RUFY1: variants seen among roughly 807,000 people sequenced by gnomAD.
RUFY1 encodes RUN and FYVE domain-containing protein 1.
Under a neutral mutation model 94.6 loss-of-function variants are expected in RUFY1, and 54 were observed. The ratio of observed to expected loss-of-function variants is 0.57; its 90% CI spans 0.46 to 0.72. The LOEUF is 0.72. RUFY1 is among the 30% of genes least tolerant of loss of function. The pLI is 0.00. For missense variants in RUFY1, 883 were observed against 883.9 expected (o/e 1.00, Z 0.01); for synonymous variants, 396 against 347.3 (o/e 1.14, Z -1.56).
intron 1 of RUFY1, among the ~76,000 whole-genome samples, chr5:179,558,352 C>G (rs1460172940): frequency 2.0e-5 from 3 of 152,136 alleles, no homozygotes; most frequent in African/African-American, 7.2e-5. Context: ...GCGGGCGGAT[C>G]ACCTGAGGTT....
intron 2 of RUFY1, among the ~76,000 whole-genome samples, chr5:179,560,455 C>T (rs1365592434): frequency 6.6e-6 from 1 of 151,992 alleles, no homozygotes; most frequent in Non-Finnish European, 1.5e-5. Flanking sequence ...CGCGGTGGCT[C>T]ACGCCTGTAA....
rs546225868 is a variant in RUFY1, at chr5:179,608,751, C to A, written c.1984-625C>A. The A allele has an allele frequency of 4.2e-5, 18 of 433,422 alleles. 1 individual carries two copies. In the South Asian group the frequency reaches 1.7e-3, roughly 40 times the overall value. 26.8% of individuals were successfully genotyped at this position (433,422 alleles called of 1,614,324 possible). ...GACCAGTCTGGCCAAGATGGTGAAACCCCATCATCTCTACTAAAAAAATAC... is the reference window on the plus strand; with the variant it reads ...GACCAGTCTGGCCAAGATGGTGAAAACCCATCATCTCTACTAAAAAAATAC... On this transcript the variant is annotated intron_variant, in intron 17 of 17. Coordinates refer to ENST00000319449, the MANE Select transcript of RUFY1 (RefSeq NM_025158.5).
chr5:179,584,763 AAAACAAAAAAAAAC>A (rs1278577001), intron 7 of RUFY1, among the ~76,000 whole-genome samples: 4 of 110,388 alleles, frequency 3.6e-5, no homozygotes, highest in Non-Finnish European at 3.9e-5. Flanking sequence ...CCCTGTTTCA[AAAACAAAAAAAAAC>A]AAAAAAAAGT....
At position 179,569,414 on chromosome 5, in the gene RUFY1, T is replaced by A; in HGVS notation, c.817T>A (p.Leu273Met). 1 of 1,613,454 alleles carries A rather than the reference T, an allele frequency of 6.2e-7. No individual in the cohort carries two copies. The highest frequency in any genetic ancestry group is 1.1e-5 in the South Asian group (1 of 91,078). The part of the protein sequence containing the change: ...DANLCLKGED[L>M]DSQVGVIDFS... ...CAATCTCTGCTTGAAAGGAGAAGAC[T>A]TGGATTCTCAGGTAAAATGAAATTT... is the stretch of plus-strand genomic sequence containing the variant. Residue 273 changes from leucine to methionine, a missense_variant, in exon 5 of 18, where the codon TTG (leucine) becomes ATG (methionine). Physicochemically the swap from Leu to Met is conservative, Grantham distance 15. Coordinates refer to ENST00000319449, the MANE Select transcript of RUFY1 (RefSeq NM_025158.5).
chr5:179,602,294 A>T, intron 15 of RUFY1: 1 of 314,942 alleles, frequency 3.2e-6, no homozygotes, highest in Non-Finnish European at 6.1e-6. Flanking sequence ...CAATGAGAGG[A>T]TCGCTTGGTC....
At chr5:179,569,130 C>CA (rs71591426) in intron 4 of RUFY1, 172 bp from the exon 5 acceptor site, 2 of 984,170 alleles carry the variant, frequency 2.0e-6, no homozygotes, top group Admixed American at 6.2e-5. Context: ...GAGGAGAGGA[C>CA]GGGAGAAAAA....
At chr5:179,579,081 T>G (rs1393304464) in intron 6 of RUFY1, among the ~76,000 whole-genome samples, 1 of 152,202 alleles carries the variant, frequency 6.6e-6, no homozygotes, top group Non-Finnish European at 1.5e-5. Flanking sequence ...GGGTTTTCAC[T>G]GTAAACCTTG....
chr5:179,598,560 G>A (rs1183304862), intron 13 of RUFY1, 132 bp from the exon 14 acceptor site: 1 of 992,650 alleles, frequency 1.0e-6, no homozygotes, highest in Non-Finnish European at 1.5e-6. Context: ...GGAGAGGGAA[G>A]CGTTGCCGAA....
At chr5:179,592,735 G>A (rs868731937) in intron 10 of RUFY1, among the ~76,000 whole-genome samples, 2 of 152,220 alleles carry the variant, frequency 1.3e-5, no homozygotes, top group Admixed American at 6.5e-5. Context: ...CATGGATGCA[G>A]GGAAACATGT....
intron 14 of RUFY1, among the ~76,000 whole-genome samples, chr5:179,599,807 A>T (rs963990070): frequency 6.6e-6 from 1 of 151,930 alleles, no homozygotes; most frequent in Non-Finnish European, 1.5e-5. Context: ...CCCAAAGCAG[A>T]CCTCCCCTCG....
In RUFY1 at chr5:179,589,544, A is replaced by G; in HGVS notation, c.1027-2A>G. ...AGAACTGTAAAAATTTTCCTTAATC[A>G]GCTTTCAGCTGCAACAGACCGAATT... On this transcript the variant is annotated splice_acceptor_variant, in intron 8 of 17. Transcript: ENST00000319449. LOFTEE classifies it high-confidence loss of function. The G allele has an allele frequency of 6.2e-7, 1 of 1,610,960 alleles. No homozygotes were observed. Among genetic ancestry groups the G allele is most frequent in the Non-Finnish European group, 8.5e-7 (1 of 1,177,424 alleles).
intron 13 of RUFY1, chr5:179,596,883 C>T: frequency 1.7e-6 from 1 of 596,608 alleles, no homozygotes; most frequent in Non-Finnish European, 2.7e-6. Flanking sequence ...CTCACGTGGT[C>T]CAGCTCGCCT....
intron 13 of RUFY1, among the ~76,000 whole-genome samples, chr5:179,597,243 G>GTT (rs1554123619): frequency 5.5e-5 from 8 of 145,708 alleles, no homozygotes; most frequent in African/African-American, 2.0e-4. Context: ...GTTTTGTTTT[G>GTT]TTTTTTTTTT....
In RUFY1 at chr5:179,595,276, G is replaced by A. The variant is rs375412292; in HGVS notation, c.1511+313G>A. ...GGGCGGATCACGAGGTCAGGAGATC[G>A]AGACCATCCCGGCTAAAACGGTGAA... On this transcript the variant is annotated intron_variant, in intron 12 of 17. Transcript: ENST00000319449. Among the ~76,000 whole-genome samples, 911 of 152,236 alleles carry A rather than the reference G, an allele frequency of 6.0e-3. 8 individuals are homozygous for A. The highest frequency in any genetic ancestry group is 0.021 in the African/African-American group (873 of 41,554).
chr5:179,563,318 C>A (rs1302246965), intron 3 of RUFY1, among the ~76,000 whole-genome samples: 2 of 152,324 alleles, frequency 1.3e-5, no homozygotes, highest in East Asian at 3.9e-4. Context: ...CCCTCAGGAC[C>A]TGCTCAATGA....
intron 3 of RUFY1, among the ~76,000 whole-genome samples, chr5:179,565,517 T>C: frequency 6.6e-6 from 1 of 152,132 alleles, no homozygotes; most frequent in South Asian, 2.1e-4. Flanking sequence ...ATATTGCCCA[T>C]TCAAAAAAAA....
intron 7 of RUFY1, among the ~76,000 whole-genome samples, chr5:179,581,267 C>T (rs1193006354): frequency 1.3e-5 from 2 of 152,136 alleles, no homozygotes; most frequent in Non-Finnish European, 2.9e-5. Context: ...CCTTGACTCT[C>T]CATTCCTCGC....
At chr5:179,559,105 C>T (rs1320835998) in intron 1 of RUFY1, among the ~76,000 whole-genome samples, 2 of 152,182 alleles carry the variant, frequency 1.3e-5, no homozygotes, top group Non-Finnish European at 2.9e-5. Flanking sequence ...AATGTAAACG[C>T]GCGCGCGCGC....
Position 179,560,025 on chromosome 5 carries a change from C to T in RUFY1, c.311C>T (p.Ala104Val). Residue 104 changes from alanine (A) to valine (V), a missense_variant and splice_region_variant, in exon 2 of 18, where the codon GCT becomes GTT. By Grantham distance (64) the Ala-to-Val change is moderately conservative (BLOSUM62 0). Transcript: ENST00000319449. ...GDSGDGTARA[A>V]SKCQMMEERA... ...AGCTATCCCTGCTCCTGCCCCACAG[C>T]TTCTAAGTGCCAGATGATGGAGGAG... 6.2e-7 allele frequency: 1 copy of T among 1,612,902 alleles called. No homozygotes were observed. The highest frequency in any genetic ancestry group is 1.3e-5 in the African/African-American group (1 of 75,068).
Sources: allele counts gnomAD v4.1 joint callset (sites outside exome capture counted in the v4.1 genomes callset), GRCh38; gene constraint gnomAD v4.1.1; transcripts MANE v1.5; gene names NCBI Gene and HGNC (gene_info 2026-07-23, HGNC 2026-07-21).